Variants in GRIA2 observed in about 807,000 individuals in gnomAD.
The protein encoded by GRIA2 is glutamate ionotropic receptor AMPA type subunit 2.
GRIA2 carries 14 observed loss-of-function variants against 97.3 expected under a neutral mutation model. The observed-to-expected ratio is 0.14, with a 90% CI of 0.10 to 0.23. The LOEUF (loss-of-function observed/expected upper bound fraction) is 0.23. Among genes scored for constraint, GRIA2 ranks in the 10% least tolerant of loss-of-function variants. The pLI, the probability that GRIA2 is intolerant of heterozygous loss-of-function variation, is 1.00. For missense variants in GRIA2, 558 were observed against 1,069.8 expected (o/e 0.52, Z 6.67); for synonymous variants, 412 against 387.8 (o/e 1.06, Z -0.73).
intron 12 of GRIA2, among the ~76,000 whole-genome samples, chr4:157,352,122 T>C (rs920926735): frequency 6.6e-6 from 1 of 152,360 alleles, no homozygotes; most frequent in Admixed American, 6.5e-5. Flanking sequence ...TATATGTAGA[T>C]ATTTACTGGA....
chr4:157,346,899 T>A, intron 12 of GRIA2, among the ~76,000 whole-genome samples: 1 of 152,114 alleles, frequency 6.6e-6, no homozygotes. Context: ...CTCTGACATT[T>A]TAATTTTTTC....
chr4:157,296,455 G>T (rs1733353157), intron 2 of GRIA2, among the ~76,000 whole-genome samples: 1 of 151,936 alleles, frequency 6.6e-6, no homozygotes, highest in Admixed American at 6.6e-5. Flanking sequence ...TTCTGATTTG[G>T]ATATTGCAGA....
intron 1 of GRIA2, 154 bp from the exon 2 acceptor site, chr4:157,221,513 A>G: frequency 1.3e-6 from 1 of 769,580 alleles, no homozygotes; most frequent in East Asian, 2.5e-5. Context: ...TAGCTTTTGG[A>G]TATTCCACCC....
At chr4:157,331,713 C>CT in intron 6 of GRIA2, among the ~76,000 whole-genome samples, 1 of 151,798 alleles carries the variant, frequency 6.6e-6, no homozygotes, top group East Asian at 1.9e-4. Flanking sequence ...GATGGCTTAT[C>CT]TTTTTTCCAT....
chr4:157,252,959 A>G (rs1731079809), intron 2 of GRIA2, among the ~76,000 whole-genome samples: 1 of 152,136 alleles, frequency 6.6e-6, no homozygotes, highest in Non-Finnish European at 1.5e-5. Context: ...TCTTTAAAAA[A>G]GAAAAAGAGA....
chr4:157,293,954 C>T (rs1157146763), intron 2 of GRIA2, among the ~76,000 whole-genome samples: 2 of 152,026 alleles, frequency 1.3e-5, no homozygotes, highest in South Asian at 4.1e-4. Flanking sequence ...GAGCATTTAG[C>T]ATATTTATAT....
chr4:157,328,178 A>G (rs1247853852), intron 6 of GRIA2, among the ~76,000 whole-genome samples: 1 of 152,078 alleles, frequency 6.6e-6, no homozygotes, highest in Non-Finnish European at 1.5e-5. Flanking sequence ...TGTGTTATTA[A>G]TATTTATAAT....
intron 2 of GRIA2, among the ~76,000 whole-genome samples, chr4:157,263,582 T>A (rs2126773945): frequency 6.6e-6 from 1 of 152,082 alleles, no homozygotes; most frequent in Middle Eastern, 3.4e-3. Flanking sequence ...TCTGAAGATT[T>A]TAGCATATAA....
At chr4:157,267,000 C>A (rs555959775) in intron 2 of GRIA2, among the ~76,000 whole-genome samples, 1 of 151,866 alleles carries the variant, frequency 6.6e-6, no homozygotes, top group Non-Finnish European at 1.5e-5. Context: ...ATCACTTGAG[C>A]CCAGGATTTC....
At chr4:157,258,535 G>A (rs904090425) in intron 2 of GRIA2, among the ~76,000 whole-genome samples, 33 of 152,116 alleles carry the variant, frequency 2.2e-4, no homozygotes, top group Middle Eastern at 3.4e-3. Flanking sequence ...ATGTATGCCC[G>A]AAACTTCATT....
At chr4:157,308,930 C>T (rs1478879696) in intron 3 of GRIA2, among the ~76,000 whole-genome samples, 1 of 151,760 alleles carries the variant, frequency 6.6e-6, no homozygotes, top group Non-Finnish European at 1.5e-5. Context: ...AGAAATCAGA[C>T]AATATAAAAC....
chr4:157,268,875 T>A (rs888645737), intron 2 of GRIA2, among the ~76,000 whole-genome samples: 3 of 152,066 alleles, frequency 2.0e-5, no homozygotes, highest in African/African-American at 7.2e-5. Context: ...TGTCTGGAAG[T>A]CACATAAATA....
chr4:157,274,698 C>T (rs1450190397), intron 2 of GRIA2, among the ~76,000 whole-genome samples: 1 of 151,624 alleles, frequency 6.6e-6, no homozygotes, highest in African/African-American at 2.4e-5. Context: ...GACATGAACT[C>T]ATCATTTTTT....
chr4:157,231,434 C>T (rs1730014275), intron 2 of GRIA2, among the ~76,000 whole-genome samples: 2 of 152,064 alleles, frequency 1.3e-5, no homozygotes, highest in South Asian at 4.1e-4. Flanking sequence ...ACCTTGGCCT[C>T]CCAAAGCACT....
chr4:157,260,836 T>C (rs1386040532), intron 2 of GRIA2, among the ~76,000 whole-genome samples: 1 of 151,922 alleles, frequency 6.6e-6, no homozygotes, highest in Non-Finnish European at 1.5e-5. Context: ...TCTTCCTTCT[T>C]TTTCTTCCCT....
At chr4:157,246,169 T>C (rs972337517) in intron 2 of GRIA2, among the ~76,000 whole-genome samples, 1 of 152,120 alleles carries the variant, frequency 6.6e-6, no homozygotes, top group African/African-American at 2.4e-5. Flanking sequence ...TGACATACAT[T>C]CAATATACAG....
chr4:157,220,526 G>GGTGCGGGGTGCCGGGCGCC (rs1391617839), upstream of GRIA2: 6 of 152,134 alleles, frequency 3.9e-5, no homozygotes, highest in Admixed American at 3.9e-4. Flanking sequence ...CGTCCACGGT[G>GGTGCGGGGTGCCGGGCGCC]GTGCGGGGTG....
intron 2 of GRIA2, among the ~76,000 whole-genome samples, chr4:157,271,037 G>A (rs1349040197): frequency 6.6e-6 from 1 of 151,690 alleles, no homozygotes; most frequent in Non-Finnish European, 1.5e-5. Context: ...TCATTTGGAT[G>A]ATAACTAACC....
chr4:157,287,766 T>C (rs1732911010), intron 2 of GRIA2, among the ~76,000 whole-genome samples: 1 of 151,532 alleles, frequency 6.6e-6, no homozygotes, highest in Non-Finnish European at 1.5e-5. Flanking sequence ...TCCTATGTTC[T>C]CATACTAGGG....
Sources: allele counts gnomAD v4.1 joint callset (sites outside exome capture counted in the v4.1 genomes callset), GRCh38; gene constraint gnomAD v4.1.1; transcripts MANE v1.5; gene names NCBI Gene and HGNC (gene_info 2026-07-23, HGNC 2026-07-21).